AFG2A: variants seen among roughly 807,000 people sequenced by gnomAD.
AFG2A encodes AAA ATPase AFG2A.
chr4:123,083,503 TA>T, the AFG2A span, among the ~76,000 whole-genome samples: 1 of 152,034 alleles, frequency 6.6e-6, no homozygotes, highest in Non-Finnish European at 1.5e-5. Context: ...TTTCAAGTGT[TA>T]AACTAGCCTT....
At chr4:123,044,983 T>C in the AFG2A span, among the ~76,000 whole-genome samples, 1 of 152,090 alleles carries the variant, frequency 6.6e-6, no homozygotes, top group African/African-American at 2.4e-5. Flanking sequence ...AAAATTCTTT[T>C]TTGTCTTCTT....
At chr4:122,950,975 C>T in the AFG2A span, among the ~76,000 whole-genome samples, 2 of 152,168 alleles carry the variant, frequency 1.3e-5, no homozygotes, top group Non-Finnish European at 2.9e-5. Flanking sequence ...GGTAAGTTGT[C>T]CCCTATGTCC....
the AFG2A span, chr4:123,316,443 C>T: frequency 3.3e-5 from 5 of 152,182 alleles, no homozygotes; most frequent in African/African-American, 1.2e-4. Context: ...GAAAACAAGA[C>T]TTCCATATTG....
chr4:122,951,380 C>T, the AFG2A span, among the ~76,000 whole-genome samples: 7 of 151,472 alleles, frequency 4.6e-5, no homozygotes, highest in South Asian at 4.2e-4. Flanking sequence ...GTCCTGGAAC[C>T]GATACCCCAT....
chr4:122,990,937 G>C, the AFG2A span, among the ~76,000 whole-genome samples: 1 of 152,074 alleles, frequency 6.6e-6, no homozygotes, highest in African/African-American at 2.4e-5. Context: ...TGTGTTTTGT[G>C]GTCATATAAG....
the AFG2A span, among the ~76,000 whole-genome samples, chr4:123,223,476 A>C: frequency 6.6e-6 from 1 of 152,200 alleles, no homozygotes; most frequent in Non-Finnish European, 1.5e-5. Context: ...ATGGTTCCAC[A>C]AGCTATCCAG....
At chr4:123,207,749 A>G in the AFG2A span, among the ~76,000 whole-genome samples, 3 of 152,230 alleles carry the variant, frequency 2.0e-5, no homozygotes, top group African/African-American at 7.2e-5. Flanking sequence ...TTGTATACTG[A>G]AAACTACAAA....
At chr4:123,022,111 C>G in the AFG2A span, among the ~76,000 whole-genome samples, 2 of 152,022 alleles carry the variant, frequency 1.3e-5, no homozygotes, top group East Asian at 3.9e-4. Flanking sequence ...CATTACCATT[C>G]AGGACATAGG....
the AFG2A span, among the ~76,000 whole-genome samples, chr4:123,122,543 C>T: frequency 2.6e-5 from 4 of 152,266 alleles, no homozygotes; most frequent in East Asian, 7.7e-4. Context: ...ACATGTATCA[C>T]TTTCACACTA....
At chr4:122,941,029 A>G in the AFG2A span, among the ~76,000 whole-genome samples, 8 of 150,660 alleles carry the variant, frequency 5.3e-5, no homozygotes, top group Non-Finnish European at 1.2e-4. Flanking sequence ...CTGTTTGGTT[A>G]CTGTGGCCTT....
chr4:123,229,299 G>C, the AFG2A span, among the ~76,000 whole-genome samples: 1 of 151,948 alleles, frequency 6.6e-6, no homozygotes, highest in Admixed American at 6.6e-5. Context: ...CTGTTAGCCA[G>C]AGCAAAGAGA....
chr4:123,165,015 C>A, the AFG2A span, among the ~76,000 whole-genome samples: 6 of 152,176 alleles, frequency 3.9e-5, no homozygotes, highest in African/African-American at 1.4e-4. Context: ...TGGTTATAAT[C>A]TCAGACAGCT....
chr4:122,975,884 C>G, the AFG2A span, among the ~76,000 whole-genome samples: 4 of 152,030 alleles, frequency 2.6e-5, no homozygotes, highest in African/African-American at 9.7e-5. Flanking sequence ...TGTAAGATGT[C>G]CTAAAGAAGT....
At chr4:123,084,773 C>T in the AFG2A span, among the ~76,000 whole-genome samples, 1 of 151,822 alleles carries the variant, frequency 6.6e-6, no homozygotes, top group Non-Finnish European at 1.5e-5. Context: ...CAACTACAGA[C>T]ATGCATCACC....
At chr4:123,085,728 T>C in the AFG2A span, among the ~76,000 whole-genome samples, 1 of 152,176 alleles carries the variant, frequency 6.6e-6, no homozygotes, top group African/African-American at 2.4e-5. Context: ...GATTAATATC[T>C]ACGATATTTG....
the AFG2A span, among the ~76,000 whole-genome samples, chr4:122,998,624 T>C: frequency 2.6e-5 from 4 of 152,150 alleles, no homozygotes; most frequent in Non-Finnish European, 5.9e-5. Flanking sequence ...ATCCATGTCC[T>C]TAAAAAGGAC....
the AFG2A span, among the ~76,000 whole-genome samples, chr4:122,993,141 A>G: frequency 6.7e-6 from 1 of 149,742 alleles, no homozygotes; most frequent in Non-Finnish European, 1.5e-5. Context: ...ACGTGCCACC[A>G]TGCCTGGCTG....
the AFG2A span, among the ~76,000 whole-genome samples, chr4:123,012,109 G>A: frequency 5.8e-5 from 8 of 137,400 alleles, no homozygotes; most frequent in African/African-American, 1.9e-4. Flanking sequence ...AGAAGGAAGG[G>A]TAGAGACATG....
At chr4:123,099,668 A>G in the AFG2A span, among the ~76,000 whole-genome samples, 1 of 151,966 alleles carries the variant, frequency 6.6e-6, no homozygotes, top group South Asian at 2.1e-4. Context: ...TTTCAAGCAT[A>G]CACCATCCCC....
Sources: allele counts gnomAD v4.1 joint callset (sites outside exome capture counted in the v4.1 genomes callset), GRCh38; gene constraint gnomAD v4.1.1; transcripts MANE v1.5; gene names NCBI Gene and HGNC (gene_info 2026-07-23, HGNC 2026-07-21).